The following ARHGAP25 variants were observed in gnomAD, a reference collection of about 807,000 sequenced individuals.
ARHGAP25 encodes the protein Rho GTPase activating protein 25.
A neutral mutation model predicts 71.0 loss-of-function variants in ARHGAP25; 34 were observed. The observed-to-expected ratio is 0.48, with a 90% CI of 0.36 to 0.64. The LOEUF (loss-of-function observed/expected upper bound fraction) is 0.64, where lower values mean the gene tolerates loss of function less well. Ranked by LOEUF, ARHGAP25 falls within the 30% of genes least tolerant of loss-of-function variation. ARHGAP25 has a pLI of 0.00. For missense variants in ARHGAP25, 706 were observed against 805.1 expected (o/e 0.88, Z 1.49); for synonymous variants, 282 against 296.5 (o/e 0.95, Z 0.50).
At chr2:68,784,907 T>C (rs139107306) in intron 3 of ARHGAP25, among the ~76,000 whole-genome samples, 224 of 152,294 alleles carry the variant, frequency 1.5e-3, no homozygotes, top group African/African-American at 5.2e-3. Context: ...GGTTGATTGA[T>C]TATTGTGAAC....
At chr2:68,782,914 C>T (rs1678445126) in intron 3 of ARHGAP25, among the ~76,000 whole-genome samples, 1 of 152,250 alleles carries the variant, frequency 6.6e-6, no homozygotes. Flanking sequence ...TGCTTCTACT[C>T]TTCTCCCTGT....
At chr2:68,766,914 C>A in intron 1 of ARHGAP25, among the ~76,000 whole-genome samples, 1 of 152,186 alleles carries the variant, frequency 6.6e-6, no homozygotes, top group East Asian at 1.9e-4. Context: ...TGGTGCCAAG[C>A]CCCTTTCCAA....
intron 2 of ARHGAP25, among the ~76,000 whole-genome samples, chr2:68,776,147 A>G (rs1274958707): frequency 6.6e-6 from 1 of 152,174 alleles, no homozygotes; most frequent in Non-Finnish European, 1.5e-5. Flanking sequence ...CAAAGGGAGC[A>G]TGTCTGGCCT....
rs528772878 is a variant in ARHGAP25, at chr2:68,728,222, G to A, written c.-18+17524G>A. On this transcript the variant is annotated intron_variant and NMD_transcript_variant, in intron 2 of 7. Coordinates refer to the ARHGAP25 transcript ENST00000463483. ...CCAGCCAATAAGCAAATGAAAAGAT[G>A]CTTAACATCATTAGTCATCAGGGAA... 1.5e-4 allele frequency among the ~76,000 whole-genome samples: 23 copies of A among 152,252 alleles called. No homozygotes were observed. In the East Asian group the frequency reaches 4.4e-3, roughly 29 times the overall value.
At chr2:68,713,868 G>A (rs1031716748) in intron 2 of ARHGAP25, among the ~76,000 whole-genome samples, 5 of 152,182 alleles carry the variant, frequency 3.3e-5, no homozygotes, top group African/African-American at 1.2e-4. Context: ...TTTTTGATGT[G>A]CTGCTGGATT....
At chr2:68,772,023 C>T (rs1677519866) in intron 1 of ARHGAP25, among the ~76,000 whole-genome samples, 1 of 152,164 alleles carries the variant, frequency 6.6e-6, no homozygotes, top group Non-Finnish European at 1.5e-5. Flanking sequence ...TTCTGCAACG[C>T]ACACGTGCTC....
intron 1 of ARHGAP25, among the ~76,000 whole-genome samples, chr2:68,770,047 G>T (rs903041383): frequency 2.0e-5 from 3 of 152,206 alleles, no homozygotes; most frequent in Admixed American, 1.3e-4. Flanking sequence ...TGTCAGTGCT[G>T]AATATAAGGA....
At chr2:68,725,710 T>C (rs76726734) in intron 2 of ARHGAP25, among the ~76,000 whole-genome samples, 2,085 of 152,234 alleles carry the variant, frequency 0.014, 28 homozygotes, top group Non-Finnish European at 0.02. Context: ...TCCAGCAAAG[T>C]CCTATGAAGC....
At chr2:68,752,808 G>A (rs1676253016) in intron 1 of ARHGAP25, among the ~76,000 whole-genome samples, 1 of 152,004 alleles carries the variant, frequency 6.6e-6, no homozygotes, top group African/African-American at 2.4e-5. Flanking sequence ...TAGATTTTGT[G>A]AAATAATATA....
intron 1 of ARHGAP25, among the ~76,000 whole-genome samples, chr2:68,739,303 A>T (rs1324519469): frequency 6.6e-6 from 1 of 152,226 alleles, no homozygotes; most frequent in African/African-American, 2.4e-5. Flanking sequence ...GCCAGGGTTA[A>T]GATGCCCAAT....
chr2:68,749,761 G>GGTA (rs545835460), intron 1 of ARHGAP25, among the ~76,000 whole-genome samples: 210 of 152,242 alleles, frequency 1.4e-3, no homozygotes, highest in African/African-American at 4.5e-3. Flanking sequence ...CAAGGGCTGT[G>GGTA]GTCTAGGTAT....
At position 68,807,357 on chromosome 2, in the gene ARHGAP25, G is replaced by A; in HGVS notation, c.551G>A (p.Cys184Tyr). 6.2e-7 allele frequency: 1 copy of A among 1,614,228 alleles called. No homozygotes were observed. The highest frequency in any genetic ancestry group is 8.5e-7 in the Non-Finnish European group (1 of 1,180,040). ...CTGGTGCCCATCCTGGTGGAGAAAT[G>A]TGCAGAGTTCATCCTGGAGCACGGC... ...PHLVPILVEKCAEFILEHGRN... is the reference protein window; with the variant it reads ...PHLVPILVEKYAEFILEHGRN... The change falls in exon 5 of 11, where the codon TGT becomes TAT. Residue 184 changes from cysteine (C) to tyrosine (Y), a missense_variant. Coordinates refer to ENST00000409202, the MANE Select transcript of ARHGAP25 (RefSeq NM_001007231.3).
intron 2 of ARHGAP25, among the ~76,000 whole-genome samples, chr2:68,727,106 CACA>C (rs1390863486): frequency 6.6e-6 from 1 of 152,118 alleles, no homozygotes; most frequent in East Asian, 1.9e-4. Flanking sequence ...CAGTCAAGAC[CACA>C]AGATACAGCC....
At chr2:68,778,970 A>G (rs974546106) in intron 2 of ARHGAP25, among the ~76,000 whole-genome samples, 2 of 152,228 alleles carry the variant, frequency 1.3e-5, no homozygotes, top group African/African-American at 2.4e-5. Context: ...CTAGCTTTAT[A>G]TAAACCATTC....
chr2:68,775,311 G>T lies in ARHGAP25; in HGVS notation c.152G>T (p.Gly51Val). ...PNPLERPIKM[G>V]WLKKQRSIVK... ...CCGCTGGAGAGGCCCATCAAGATGG[G>T]CTGGCTGAAGAAGCAGAGGTCCATC... is the stretch of plus-strand genomic sequence containing the variant. Residue 51 changes from glycine (G) to valine (V), a missense_variant, in exon 2 of 11, where the codon GGC (glycine) becomes GTC (valine). Coordinates refer to ENST00000409202, the MANE Select transcript of ARHGAP25 (RefSeq NM_001007231.3). 1 of 1,614,266 alleles carries T rather than the reference G, an allele frequency of 6.2e-7. No individual in the cohort carries two copies. Among genetic ancestry groups the T allele is most frequent in the Non-Finnish European group, 8.5e-7 (1 of 1,180,058 alleles).
chr2:68,815,443 CTTTTTTTTTT>C (rs796100406), intron 6 of ARHGAP25, among the ~76,000 whole-genome samples: 22 of 62,336 alleles, frequency 3.5e-4, no homozygotes, highest in African/African-American at 6.5e-4. Context: ...TGTGTACTCT[CTTTTTTTTTT>C]TTTTTTTTTT....
chr2:68,801,109 TA>T (rs138417826), intron 4 of ARHGAP25, among the ~76,000 whole-genome samples: 5 of 150,746 alleles, frequency 3.3e-5, no homozygotes, highest in Non-Finnish European at 5.9e-5. Context: ...TTAGCCAAGC[TA>T]AAAAAAAACA....
At chr2:68,762,405 A>G (rs1295625058) in intron 1 of ARHGAP25, among the ~76,000 whole-genome samples, 1 of 152,252 alleles carries the variant, frequency 6.6e-6, no homozygotes, top group East Asian at 1.9e-4. Flanking sequence ...CTGGAATAAA[A>G]ATAATTGGGA....
intron 4 of ARHGAP25, 122 bp downstream of exon 4, chr2:68,788,078 G>C: frequency 1.3e-6 from 1 of 763,564 alleles, no homozygotes; most frequent in Non-Finnish European, 2.2e-6. Context: ...GCAGTTCTCT[G>C]CATGCCCATG....
Sources: allele counts gnomAD v4.1 joint callset (sites outside exome capture counted in the v4.1 genomes callset), GRCh38; gene constraint gnomAD v4.1.1; transcripts MANE v1.5; gene names NCBI Gene and HGNC (gene_info 2026-07-23, HGNC 2026-07-21).